The following CAST variants were observed in gnomAD, a reference collection of about 807,000 sequenced individuals.
CAST encodes the protein MIR583 host.
CAST carries 76 observed loss-of-function variants against 119.6 expected under a neutral mutation model. That is an observed-to-expected ratio of 0.64 (90% CI 0.53 to 0.77). The LOEUF (loss-of-function observed/expected upper bound fraction) is 0.77, where lower values mean the gene tolerates loss of function less well. CAST is among the 30% of genes least tolerant of loss of function. The probability of loss-of-function intolerance (pLI) is 0.00; values close to 1 mark genes in which losing one functional copy is unlikely to be tolerated. For missense variants in CAST, 953 were observed against 946.5 expected, an observed-to-expected ratio of 1.01 and a Z score of -0.09; for synonymous variants, 319 against 331.6, an observed-to-expected ratio of 0.96 and a Z score of 0.41.
the CAST span, among the ~76,000 whole-genome samples, chr5:96,362,638 A>G: frequency 3.3e-5 from 5 of 152,322 alleles, no homozygotes; most frequent in African/African-American, 1.2e-4. Context: ...TCTTCTTTTC[A>G]GAGGTGTCTG....
the CAST span, among the ~76,000 whole-genome samples, chr5:96,129,935 G>T: frequency 1.3e-5 from 2 of 151,008 alleles, no homozygotes; most frequent in East Asian, 1.9e-4. Context: ...ATAACTAATT[G>T]TACTTTGTTG....
At chr5:96,622,857 CTTTTTTTTT>C (rs5869727) in intron 1 of CAST, among the ~76,000 whole-genome samples, 1 of 64,470 alleles carries the variant, frequency 1.6e-5, no homozygotes, top group African/African-American at 7.2e-5. Context: ...TTATGGGACT[CTTTTTTTTT>C]TTTTTTTTTT....
At chr5:96,428,832 C>G in the CAST span, among the ~76,000 whole-genome samples, 3 of 152,030 alleles carry the variant, frequency 2.0e-5, no homozygotes, top group African/African-American at 4.8e-5. Flanking sequence ...ATAATAGGTA[C>G]CTAATAAAAG....
the CAST span, among the ~76,000 whole-genome samples, chr5:96,083,737 C>T: frequency 6.6e-6 from 1 of 152,302 alleles, no homozygotes; most frequent in Non-Finnish European, 1.5e-5. Context: ...AGATTTTTGA[C>T]ATGTGGGGAC....
At chr5:96,346,447 G>A in the CAST span, among the ~76,000 whole-genome samples, 1,442 of 152,230 alleles carry the variant, frequency 9.5e-3, 31 homozygotes, top group African/African-American at 0.034. Flanking sequence ...TGTAATTGAA[G>A]CCTGTCTTAG....
the CAST span, among the ~76,000 whole-genome samples, chr5:96,428,957 G>T: frequency 1.3e-5 from 2 of 151,734 alleles, no homozygotes; most frequent in Non-Finnish European, 2.9e-5. Context: ...ATTAACTTTA[G>T]ATATATATGT....
chr5:96,388,533 T>G, the CAST span, among the ~76,000 whole-genome samples: 1 of 152,170 alleles, frequency 6.6e-6, no homozygotes, highest in Non-Finnish European at 1.5e-5. Flanking sequence ...TAATATTCCA[T>G]TGGCCAAAGT....
the CAST span, among the ~76,000 whole-genome samples, chr5:96,330,306 G>A: frequency 6.6e-6 from 1 of 152,310 alleles, no homozygotes; most frequent in East Asian, 1.9e-4. Flanking sequence ...ACTCCAAGAT[G>A]TGGACAGAAG....
chr5:96,237,954 G>A, the CAST span, among the ~76,000 whole-genome samples: 1 of 151,744 alleles, frequency 6.6e-6, no homozygotes, highest in African/African-American at 2.4e-5. Context: ...TATAAAAATT[G>A]TATGTTTAGT....
At chr5:96,658,146 G>C (rs1001484973), upstream of CAST, among the ~76,000 whole-genome samples, 1 of 152,068 alleles carries the variant, frequency 6.6e-6, no homozygotes, top group Non-Finnish European at 1.5e-5. Flanking sequence ...GTTGCCTCCA[G>C]ATCTGAGGGG....
chr5:96,607,376 G>T (rs1290324756), intron 1 of CAST, among the ~76,000 whole-genome samples: 1 of 152,134 alleles, frequency 6.6e-6, no homozygotes, highest in Non-Finnish European at 1.5e-5. Flanking sequence ...AAAAGCCACA[G>T]CACTTTTCAC....
chr5:96,488,446 T>C, the CAST span, among the ~76,000 whole-genome samples: 2 of 152,388 alleles, frequency 1.3e-5, no homozygotes, highest in South Asian at 4.1e-4. Flanking sequence ...TTTCATCTTA[T>C]ATTTTCAATG....
At chr5:96,305,139 G>A in the CAST span, among the ~76,000 whole-genome samples, 1 of 152,134 alleles carries the variant, frequency 6.6e-6, no homozygotes, top group Non-Finnish European at 1.5e-5. Context: ...GTAGTGGTTT[G>A]TAGTTCTCCT....
At chr5:96,254,627 G>T in the CAST span, among the ~76,000 whole-genome samples, 1 of 152,104 alleles carries the variant, frequency 6.6e-6, no homozygotes, top group Non-Finnish European at 1.5e-5. Flanking sequence ...GAGAGAGAAA[G>T]GTGGCTATGT....
the CAST span, among the ~76,000 whole-genome samples, chr5:96,245,634 AAAAC>A: frequency 1.3e-5 from 2 of 152,104 alleles, no homozygotes; most frequent in Non-Finnish European, 2.9e-5. Flanking sequence ...AAAAAAAAAA[AAAAC>A]AAATAGTGAG....
chr5:96,375,773 C>T, the CAST span, among the ~76,000 whole-genome samples: 1 of 151,636 alleles, frequency 6.6e-6, no homozygotes, highest in African/African-American at 2.4e-5. Context: ...ATAAGAAATT[C>T]TGCCTCAAGA....
At chr5:96,248,957 C>A in the CAST span, among the ~76,000 whole-genome samples, 1 of 152,138 alleles carries the variant, frequency 6.6e-6, no homozygotes. Context: ...GAAGGTTTGG[C>A]CTTCTGTTGG....
chr5:96,002,180 G>T, the CAST span, among the ~76,000 whole-genome samples: 6 of 152,180 alleles, frequency 3.9e-5, no homozygotes, highest in Non-Finnish European at 5.9e-5. Flanking sequence ...TATACCATGC[G>T]TTTTGAAAAG....
the CAST span, among the ~76,000 whole-genome samples, chr5:96,055,954 A>T: frequency 9.9e-5 from 15 of 152,140 alleles, no homozygotes; most frequent in Admixed American, 9.2e-4. Context: ...TTACAAAAAA[A>T]ACCCAGCCAG....
Sources: gnomAD v4.1 joint callset for allele counts (sites outside exome capture counted in the v4.1 genomes callset) on GRCh38, gnomAD v4.1.1 for gene constraint, MANE v1.5 for transcripts, NCBI Gene and HGNC (gene_info 2026-07-23, HGNC 2026-07-21) for gene names.